The following TNR variants were observed in gnomAD, a reference collection of about 807,000 sequenced individuals.
The protein encoded by TNR is tenascin-R.
In TNR, 45 loss-of-function variants were observed where a neutral mutation model predicts 150.4. That is an observed-to-expected ratio of 0.30 (90% CI 0.24 to 0.38). The LOEUF (loss-of-function observed/expected upper bound fraction) is 0.38. Ranked by LOEUF, TNR falls within the 10% of genes least tolerant of loss-of-function variation. The pLI is 1.00. For synonymous variants in TNR, 687 were observed against 678.4 expected (o/e 1.01, Z -0.20); for missense variants, 1,544 against 1,759.1 (o/e 0.88, Z 2.19).
At chr1:175,428,653 A>G (rs1190371519) in intron 2 of TNR, among the ~76,000 whole-genome samples, 1 of 152,218 alleles carries the variant, frequency 6.6e-6, no homozygotes, top group African/African-American at 2.4e-5. Context: ...CAGGCATAAT[A>G]TTATATGTTG....
At chr1:175,408,646 T>G (rs985637507) in intron 2 of TNR, among the ~76,000 whole-genome samples, 3 of 152,194 alleles carry the variant, frequency 2.0e-5, no homozygotes, top group Non-Finnish European at 2.9e-5. Context: ...TCACTTAAGC[T>G]CTCTGTGCCT....
At chr1:175,516,686 A>G (rs1048155552) in intron 2 of TNR, among the ~76,000 whole-genome samples, 1 of 152,224 alleles carries the variant, frequency 6.6e-6, no homozygotes, top group Non-Finnish European at 1.5e-5. Context: ...TGACTATGGC[A>G]GTATGCTAGG....
intron 15 of TNR, among the ~76,000 whole-genome samples, chr1:175,357,382 C>T (rs1322045765): frequency 6.6e-6 from 1 of 152,170 alleles, no homozygotes; most frequent in Non-Finnish European, 1.5e-5. Flanking sequence ...GTTTACTAGG[C>T]ACATTTTCAG....
chr1:175,504,187 T>C (rs1658856893), intron 2 of TNR, among the ~76,000 whole-genome samples: 1 of 152,140 alleles, frequency 6.6e-6, no homozygotes, highest in East Asian at 1.9e-4. Context: ...ATCTTTAATA[T>C]TTCATATTAC....
At chr1:175,362,094 A>G (rs1193883841) in intron 14 of TNR, among the ~76,000 whole-genome samples, 1 of 152,212 alleles carries the variant, frequency 6.6e-6, no homozygotes, top group Non-Finnish European at 1.5e-5. Flanking sequence ...CAGAGACATG[A>G]GCTACACGGT....
At chr1:175,355,767 G>T in intron 16 of TNR, 134 bp from the exon 17 acceptor site, 7 of 1,271,900 alleles carry the variant, frequency 5.5e-6, no homozygotes, top group Non-Finnish European at 6.4e-6. Context: ...CTCTGGCTTG[G>T]AAAGGAGCAT....
At chr1:175,490,151 T>C (rs1658183010) in intron 2 of TNR, among the ~76,000 whole-genome samples, 1 of 152,220 alleles carries the variant, frequency 6.6e-6, no homozygotes, top group Non-Finnish European at 1.5e-5. Context: ...TAAATGGTTC[T>C]GGGAGAACTG....
chr1:175,425,205 C>T (rs1356979026), intron 2 of TNR, among the ~76,000 whole-genome samples: 1 of 152,136 alleles, frequency 6.6e-6, no homozygotes, highest in Non-Finnish European at 1.5e-5. Flanking sequence ...CTACTAGGGT[C>T]AGAGCCAGAA....
At chr1:175,701,364 T>C (rs1323123) in intron 1 of TNR, among the ~76,000 whole-genome samples, 28,804 of 151,944 alleles carry the variant, frequency 0.19, 4,174 homozygotes, top group African/African-American at 0.4. Flanking sequence ...AATGCATTAC[T>C]CTCAAAATAG....
chr1:175,649,142 C>T (rs757877156), intron 1 of TNR, among the ~76,000 whole-genome samples: 5 of 152,208 alleles, frequency 3.3e-5, no homozygotes. Context: ...GTCAGGCCGG[C>T]GCTGCCCACT....
intron 14 of TNR, among the ~76,000 whole-genome samples, chr1:175,360,983 G>C (rs746320863): frequency 2.0e-5 from 3 of 152,216 alleles, no homozygotes; most frequent in Admixed American, 6.5e-5. Flanking sequence ...ACTTAAAGGA[G>C]GGCAGTTTGG....
chr1:175,521,258 C>A (rs1659626958), intron 2 of TNR, among the ~76,000 whole-genome samples: 1 of 152,182 alleles, frequency 6.6e-6, no homozygotes, highest in Non-Finnish European at 1.5e-5. Flanking sequence ...CCTCCTAGAA[C>A]CTCCAGCTAA....
chr1:175,499,441 T>G (rs1481722634), intron 2 of TNR, among the ~76,000 whole-genome samples: 1 of 152,174 alleles, frequency 6.6e-6, no homozygotes, highest in Non-Finnish European at 1.5e-5. Context: ...GCCCATCCCA[T>G]TACCTTTGTT....
At chr1:175,474,264 G>T (rs544805101) in intron 2 of TNR, among the ~76,000 whole-genome samples, 2 of 152,038 alleles carry the variant, frequency 1.3e-5, no homozygotes, top group South Asian at 2.1e-4. Context: ...TACAGATAAG[G>T]CCTTTAAAGA....
chr1:175,678,840 C>T (rs191344175), intron 1 of TNR, among the ~76,000 whole-genome samples: 1 of 152,312 alleles, frequency 6.6e-6, no homozygotes, highest in Admixed American at 6.5e-5. Flanking sequence ...TCTGGGAAGG[C>T]AGAGAGACTA....
intron 1 of TNR, among the ~76,000 whole-genome samples, chr1:175,692,420 G>A (rs1211078326): frequency 6.6e-6 from 1 of 152,240 alleles, no homozygotes; most frequent in Non-Finnish European, 1.5e-5. Flanking sequence ...ATATATGTGT[G>A]CGTGGCATCT....
rs564531674 is a variant in TNR at position 175,712,304 on chromosome 1, T to A, written c.-165+30922A>T. On this transcript the variant is annotated intron_variant, in intron 1 of 22. Coordinates refer to ENST00000367674, the MANE Select transcript of TNR (RefSeq NM_003285.3). ...ATGCAGTGAAGAGCCATTAAAAAAA[T>A]TGAGAATAACACCATCAAATGTTCA... Among the ~76,000 whole-genome samples, 6 of 152,228 alleles carry A rather than the reference T, an allele frequency of 3.9e-5. No homozygotes were observed. The South Asian group carries it at 1.2e-3, about 32-fold the overall frequency.
rs528878578 is a variant in TNR, at chr1:175,555,087, G to A, written c.-164-26718C>T. Among the ~76,000 whole-genome samples the A allele has an allele frequency of 5.9e-5, 9 of 152,270 alleles. No homozygotes were observed. The South Asian group carries it at 1.7e-3, about 28-fold the overall frequency. On this transcript the variant is annotated intron_variant, in intron 1 of 22. Transcript: ENST00000367674. ...TGGATTAAGCATAGTCCTAGGTGCT[G>A]CAAGCTCAAGAAAGCCAAAAAAGAG...
intron 2 of TNR, among the ~76,000 whole-genome samples, chr1:175,470,827 T>C (rs576844164): frequency 6.6e-6 from 1 of 152,332 alleles, no homozygotes; most frequent in Admixed American, 6.5e-5. Flanking sequence ...GCTTGTGGAC[T>C]CCTGACATTC....
Sources: allele counts gnomAD v4.1 joint callset (sites outside exome capture counted in the v4.1 genomes callset), GRCh38; gene constraint gnomAD v4.1.1; transcripts MANE v1.5; gene names NCBI Gene and HGNC (gene_info 2026-07-23, HGNC 2026-07-21).